The following CNDP2 variants were observed in gnomAD, a reference collection of about 807,000 sequenced individuals.
CNDP2 encodes cytosolic non-specific dipeptidase.
Under a neutral mutation model 55.0 loss-of-function variants are expected in CNDP2, and 38 were observed. The observed-to-expected ratio is 0.69, with a 90% CI of 0.53 to 0.90. The LOEUF (loss-of-function observed/expected upper bound fraction) is 0.90. Ranked by LOEUF, CNDP2 falls within the 40% of genes least tolerant of loss-of-function variation. The pLI is 0.00. For missense variants in CNDP2, 607 were observed against 621.7 expected (o/e 0.98, Z 0.25); for synonymous variants, 241 against 260.2 (o/e 0.93, Z 0.71).
intron 4 of CNDP2, among the ~76,000 whole-genome samples, 182 bp downstream of exon 4, chr18:74,506,193 G>C (rs1979015338): frequency 6.6e-6 from 1 of 152,126 alleles, no homozygotes; most frequent in Non-Finnish European, 1.5e-5. Context: ...GAGGGCAATG[G>C]CAAGATCTCA....
At chr18:74,501,179 C>T in intron 2 of CNDP2, 150 bp from the exon 3 acceptor site, 3 of 1,387,292 alleles carry the variant, frequency 2.2e-6, no homozygotes, top group Non-Finnish European at 2.8e-6. Context: ...TAACCCAAAG[C>T]ACACGTGATG....
In CNDP2 at chr18:74,518,501, C is replaced by T; in HGVS notation, c.1071C>T (p.Val357=). Residue 357 remains valine, a splice_region_variant and synonymous_variant, in exon 10 of 12, where the codon GTC becomes GTT. Coordinates refer to ENST00000324262, the MANE Select transcript of CNDP2 (RefSeq NM_018235.3). ...NMTPEVVGEQ[V]TSYLTKKFAE... ...CCTCTATTCTATTTGTGGTTTAGGTCACAAGCTACCTAACTAAGAAGTTTG... is the reference window on the plus strand; with the variant it reads ...CCTCTATTCTATTTGTGGTTTAGGTTACAAGCTACCTAACTAAGAAGTTTG... 1 of 1,614,110 alleles carries T rather than the reference C, an allele frequency of 6.2e-7. No individual in the cohort carries two copies. Among genetic ancestry groups the T allele is most frequent in the Non-Finnish European group, 8.5e-7 (1 of 1,180,014 alleles).
rs758842400 is a variant in CNDP2, at chr18:74,516,183, G to A, written c.904-45G>A. 6 of 1,561,290 alleles carry A rather than the reference G, an allele frequency of 3.8e-6. No individual in the cohort carries two copies. In the South Asian group the frequency reaches 6.0e-5, roughly 16 times the overall value. Reference sequence around the variant, plus strand: ...GCTCCTCGGTGAGCAGACAGGGCTGGCACTGAATGCCTGAGGTGTCCCTGA... The same window carrying A: ...GCTCCTCGGTGAGCAGACAGGGCTGACACTGAATGCCTGAGGTGTCCCTGA... On this transcript the variant is annotated intron_variant, in intron 8 of 11. Coordinates refer to ENST00000324262, the MANE Select transcript of CNDP2 (RefSeq NM_018235.3).
intron 2 of CNDP2, 44 bp downstream of exon 2, chr18:74,500,077 T>C (rs1978610468): frequency 6.5e-7 from 1 of 1,541,130 alleles, no homozygotes; most frequent in African/African-American, 1.4e-5. Context: ...TCTGATTTAA[T>C]CCCATGGGGC....
intron 3 of CNDP2, among the ~76,000 whole-genome samples, chr18:74,503,541 A>G (rs1978831055): frequency 6.6e-6 from 1 of 152,282 alleles, no homozygotes; most frequent in Non-Finnish European, 1.5e-5. Flanking sequence ...GAAAATGCCT[A>G]AGTATTTCAG....
chr18:74,508,281 G>A (rs1020835674), intron 4 of CNDP2: 2 of 153,180 alleles, frequency 1.3e-5, no homozygotes, highest in Non-Finnish European at 2.9e-5. Flanking sequence ...GACTGATGAC[G>A]CTGATTAGAA....
At position 74,508,974 on chromosome 18, in the gene CNDP2, G is replaced by A. The variant is rs145290037; in HGVS notation, c.456+46G>A. ...TCTGCCTGAGTCCTGGGTTCCATCT[G>A]AGCCATACAAAGACAGGCTCTCTGT... is the stretch of plus-strand genomic sequence containing the variant. On this transcript the variant is annotated intron_variant, in intron 5 of 11. Transcript: ENST00000324262. The A allele has an allele frequency of 5.6e-3, 8,428 of 1,516,054 alleles. 31 individuals carry two copies. Among genetic ancestry groups the A allele is most frequent in the Non-Finnish European group, 6.5e-3 (7,085 of 1,093,446 alleles). The allele number at this position is 1,516,054 out of a possible 1,614,324, so 93.9% of individuals were successfully genotyped here.
At chr18:74,519,163 C>A in intron 11 of CNDP2, 67 bp downstream of exon 11, 5 of 1,510,012 alleles carry the variant, frequency 3.3e-6, no homozygotes, top group African/African-American at 1.4e-5. Flanking sequence ...CCTTCCCCTT[C>A]CCCCCGTGTG....
intron 4 of CNDP2, among the ~76,000 whole-genome samples, chr18:74,506,688 C>T (rs2144587090): frequency 6.6e-6 from 1 of 152,336 alleles, no homozygotes; most frequent in African/African-American, 2.4e-5. Flanking sequence ...TGTTAGTGGC[C>T]TCCTTCACCC....
chr18:74,504,393 C>T (rs1368758011), intron 3 of CNDP2, among the ~76,000 whole-genome samples: 1 of 152,266 alleles, frequency 6.6e-6, no homozygotes, highest in African/African-American at 2.4e-5. Flanking sequence ...ACACGCAGCA[C>T]ACTAGCAGCC....
Position 74,518,819 on chromosome 18 carries a change from T to C in CNDP2, c.1211-130T>C, listed in dbSNP as rs529767701. On this transcript the variant is annotated intron_variant, in intron 10 of 11. Transcript: ENST00000324262. ...ATGAGCCTGGACCCCTGGCGGACCT[T>C]GAACGCGGGCTTGCTGTCCCCAGGG... 1.1e-5 allele frequency: 16 copies of C among 1,474,908 alleles called. No homozygotes were observed. The East Asian group carries it at 1.6e-4, about 15-fold the overall frequency. The allele number at this position is 1,474,908 out of a possible 1,614,324, so 91.4% of individuals were successfully genotyped here. A position where few individuals can be genotyped will look rare whatever the true frequency, so the allele number is the denominator to read the frequency against.
intron 6 of CNDP2, 127 bp downstream of exon 6, chr18:74,511,140 G>C (rs1263296743): frequency 4.1e-6 from 3 of 736,354 alleles, no homozygotes; most frequent in East Asian, 5.4e-5. Flanking sequence ...CTCACTTAGT[G>C]CCCCAATTCC....
intron 5 of CNDP2, among the ~76,000 whole-genome samples, chr18:74,510,300 G>A (rs1469807459): frequency 6.6e-6 from 1 of 152,168 alleles, no homozygotes; most frequent in Non-Finnish European, 1.5e-5. Flanking sequence ...CCAGCTTCAC[G>A]CACAACCTCA....
At chr18:74,517,365 G>T (rs1394260933) in intron 9 of CNDP2, 2 of 152,148 alleles carry the variant, frequency 1.3e-5, no homozygotes, top group African/African-American at 4.8e-5. Context: ...CTGAGAGAGC[G>T]GCTCAGCCCG....
intron 3 of CNDP2, chr18:74,505,099 T>C (rs1978935113): frequency 6.6e-6 from 1 of 152,214 alleles, no homozygotes; most frequent in Non-Finnish European, 1.5e-5. Flanking sequence ...AATTTAGGTA[T>C]AAAGATTTTT....
At chr18:74,505,816 G>A (rs1436562056) in intron 3 of CNDP2, 33 bp from the exon 4 acceptor site, 8 of 1,611,618 alleles carry the variant, frequency 5.0e-6, no homozygotes, top group African/African-American at 1.3e-5. Flanking sequence ...TTAAACAAAG[G>A]CTGTCCTTGG....
chr18:74,516,762 C>A (rs1011619828), intron 9 of CNDP2: 10 of 183,056 alleles, frequency 5.5e-5, no homozygotes, highest in Admixed American at 5.1e-4. Flanking sequence ...TTCTGACTGT[C>A]CCCCTCAGCT....
At position 74,523,431 on chromosome 18, in the gene CNDP2, A is replaced by G. The variant is rs548988287; in HGVS notation, c.*3363A>G. 1 of 152,352 alleles carries G rather than the reference A, an allele frequency of 6.6e-6. No individual in the cohort carries two copies. Among genetic ancestry groups the G allele is most frequent in the South Asian group, 2.1e-4 (1 of 4,824 alleles). The allele number at this position is 152,352 out of a possible 1,614,324, so 9.4% of individuals were successfully genotyped here. ...AGTGGGAAACAGGCGTGGTAAATAA[A>G]TACTGTTGTTTCAGCTGGTGTAATA... is the stretch of plus-strand genomic sequence containing the variant. On this transcript the variant is annotated 3_prime_UTR_variant, in exon 12 of 12. Transcript: ENST00000324262.
intron 11 of CNDP2, 45 bp downstream of exon 11, chr18:74,519,141 G>A (rs376142063): frequency 1.8e-5 from 28 of 1,558,120 alleles, no homozygotes; most frequent in East Asian, 9.1e-5. Context: ...CCTGCACAGC[G>A]TCCCTCTCGC....
Sources: allele counts gnomAD v4.1 joint callset (sites outside exome capture counted in the v4.1 genomes callset), GRCh38; gene constraint gnomAD v4.1.1; transcripts MANE v1.5; gene names NCBI Gene and HGNC (gene_info 2026-07-23, HGNC 2026-07-21).